The following UBE2E2 variants were observed in gnomAD, a reference collection of about 807,000 sequenced individuals.
UBE2E2 encodes ubiquitin conjugating enzyme E2 E2.
Under a neutral mutation model 24.7 loss-of-function variants are expected in UBE2E2, and 6 were observed. The ratio of observed to expected loss-of-function variants is 0.24; its 90% CI spans 0.13 to 0.48. UBE2E2 has a LOEUF of 0.48. Among genes scored for constraint, UBE2E2 ranks in the 20% least tolerant of loss-of-function variants. The pLI, the probability that UBE2E2 is intolerant of heterozygous loss-of-function variation, is 0.99. For missense variants in UBE2E2, 169 were observed against 245.0 expected (o/e 0.69, Z 2.07); for synonymous variants, 104 against 83.6 (o/e 1.24, Z -1.33).
At chr3:23,281,848 G>T (rs867214943) in intron 3 of UBE2E2, among the ~76,000 whole-genome samples, 3 of 152,174 alleles carry the variant, frequency 2.0e-5, no homozygotes, top group African/African-American at 7.2e-5. Context: ...TTATTGAAGA[G>T]GATGTATGCC....
At chr3:23,210,406 C>T (rs891122849) in intron 2 of UBE2E2, among the ~76,000 whole-genome samples, 1 of 152,188 alleles carries the variant, frequency 6.6e-6, no homozygotes, top group East Asian at 1.9e-4. Context: ...CTGCCTTTTC[C>T]TCTAACTGGG....
At chr3:23,422,951 AC>A (rs1697839044) in intron 3 of UBE2E2, among the ~76,000 whole-genome samples, 1 of 152,176 alleles carries the variant, frequency 6.6e-6, no homozygotes, top group African/African-American at 2.4e-5. Context: ...CTTCATGTTC[AC>A]AGCTGAGTTA....
chr3:23,531,410 A>G (rs1040687703), intron 4 of UBE2E2, among the ~76,000 whole-genome samples: 2 of 152,176 alleles, frequency 1.3e-5, no homozygotes, highest in African/African-American at 4.8e-5. Flanking sequence ...TTTACATAAC[A>G]CTTTTATTAA....
chr3:23,272,954 G>A (rs928863935), intron 3 of UBE2E2, among the ~76,000 whole-genome samples: 4 of 152,042 alleles, frequency 2.6e-5, no homozygotes, highest in Non-Finnish European at 5.9e-5. Context: ...TTATGGCAGG[G>A]TCAGCCTTTT....
At chr3:23,416,753 TA>T (rs1356833173) in intron 3 of UBE2E2, among the ~76,000 whole-genome samples, 2 of 152,192 alleles carry the variant, frequency 1.3e-5, no homozygotes, top group Non-Finnish European at 2.9e-5. Context: ...CCTTCCTTTT[TA>T]TTCTTTTTTC....
At chr3:23,449,501 T>C (rs1698508219) in intron 3 of UBE2E2, among the ~76,000 whole-genome samples, 1 of 152,236 alleles carries the variant, frequency 6.6e-6, no homozygotes, top group Non-Finnish European at 1.5e-5. Context: ...GTTTTTGTTA[T>C]ATCTGATTAC....
At chr3:23,548,661 C>G (rs1274802426) in intron 5 of UBE2E2, among the ~76,000 whole-genome samples, 1 of 152,200 alleles carries the variant, frequency 6.6e-6, no homozygotes, top group Non-Finnish European at 1.5e-5. Context: ...TGCTGTTTCT[C>G]TTCTCTTTTC....
chr3:23,524,304 A>G (rs558055620), intron 4 of UBE2E2, among the ~76,000 whole-genome samples: 1 of 152,212 alleles, frequency 6.6e-6, no homozygotes, highest in South Asian at 2.1e-4. Flanking sequence ...AGTCTTGCCT[A>G]TACCTTAAAG....
chr3:23,393,097 A>G lies in UBE2E2; in HGVS notation c.228-106511A>G, dbSNP rs533076188. Among the ~76,000 whole-genome samples, 11 of 152,356 alleles carry G rather than the reference A, an allele frequency of 7.2e-5. No individual in the cohort carries two copies. In the East Asian group the frequency reaches 2.1e-3, roughly 29 times the overall value. ...TCTCATCTTACAGAGATCCCTCTAC[A>G]TGCGTTCTGCAAAATGTATGTGGGG... On this transcript the variant is annotated intron_variant, in intron 3 of 5. Coordinates refer to ENST00000396703, the MANE Select transcript of UBE2E2 (RefSeq NM_152653.4).
intron 5 of UBE2E2, among the ~76,000 whole-genome samples, chr3:23,576,658 C>T (rs1036074199): frequency 6.6e-6 from 1 of 152,118 alleles, no homozygotes; most frequent in African/African-American, 2.4e-5. Context: ...TACTTATATT[C>T]TTCTAATCAT....
intron 3 of UBE2E2, among the ~76,000 whole-genome samples, chr3:23,267,389 C>T (rs1698080128): frequency 6.6e-6 from 1 of 152,168 alleles, no homozygotes. Context: ...ACTGATCCCA[C>T]AGAAATACAG....
intron 3 of UBE2E2, among the ~76,000 whole-genome samples, chr3:23,262,682 T>C (rs1467660166): frequency 6.6e-6 from 1 of 152,112 alleles, no homozygotes; most frequent in African/African-American, 2.4e-5. Flanking sequence ...AGATGTATGG[T>C]TTGTAAATGT....
chr3:23,225,138 TGTC>T (rs764160466), intron 3 of UBE2E2, among the ~76,000 whole-genome samples: 11 of 152,102 alleles, frequency 7.2e-5, no homozygotes, highest in Admixed American at 2.0e-4. Context: ...TTTAATGACT[TGTC>T]GTTTTATTGT....
intron 3 of UBE2E2, among the ~76,000 whole-genome samples, chr3:23,241,628 A>G (rs953954464): frequency 2.6e-5 from 4 of 151,412 alleles, no homozygotes; most frequent in African/African-American, 7.3e-5. Context: ...CCCTACCTCA[A>G]TACACCCAAT....
At chr3:23,544,680 C>T (rs375128992) in intron 5 of UBE2E2, among the ~76,000 whole-genome samples, 1 of 152,116 alleles carries the variant, frequency 6.6e-6, no homozygotes, top group Non-Finnish European at 1.5e-5. Context: ...GTGGGTTGCC[C>T]CTCCACACCT....
chr3:23,437,486 A>C (rs1209482957), intron 3 of UBE2E2, among the ~76,000 whole-genome samples: 3 of 152,214 alleles, frequency 2.0e-5, no homozygotes, highest in Admixed American at 6.5e-5. Flanking sequence ...GTAAAGTGCT[A>C]ATTATAAGAA....
intron 3 of UBE2E2, among the ~76,000 whole-genome samples, chr3:23,308,908 G>C (rs1266445807): frequency 2.0e-5 from 3 of 152,160 alleles, no homozygotes; most frequent in Non-Finnish European, 1.5e-5. Context: ...GAGGCTGCTG[G>C]TACAAGTCCC....
At chr3:23,400,297 A>G (rs1482685871) in intron 3 of UBE2E2, among the ~76,000 whole-genome samples, 1 of 152,214 alleles carries the variant, frequency 6.6e-6, no homozygotes, top group Non-Finnish European at 1.5e-5. Flanking sequence ...ACATTCTGTC[A>G]TAACGGAAAA....
At chr3:23,319,563 G>A (rs7646505) in intron 3 of UBE2E2, among the ~76,000 whole-genome samples, 49,794 of 151,848 alleles carry the variant, frequency 0.33, 8,383 homozygotes, top group South Asian at 0.37. Flanking sequence ...AGGCATGGTG[G>A]CTCACGCCTG....
Sources: gnomAD v4.1 joint callset for allele counts (sites outside exome capture counted in the v4.1 genomes callset) on GRCh38, gnomAD v4.1.1 for gene constraint, MANE v1.5 for transcripts, NCBI Gene and HGNC (gene_info 2026-07-23, HGNC 2026-07-21) for gene names.